PKP4: variants seen among roughly 807,000 people sequenced by gnomAD.
PKP4 encodes plakophilin 4, also known as plakophilin-4.
Under a neutral mutation model 145.1 loss-of-function variants are expected in PKP4, and 90 were observed. That is an observed-to-expected ratio of 0.62 (90% CI 0.52 to 0.74). The LOEUF (loss-of-function observed/expected upper bound fraction) is 0.74. Among genes scored for constraint, PKP4 ranks in the 30% least tolerant of loss-of-function variants. The probability of loss-of-function intolerance (pLI) is 0.00; values close to 1 mark genes in which losing one functional copy is unlikely to be tolerated. For missense variants in PKP4, 1,340 were observed against 1,482.7 expected, an observed-to-expected ratio of 0.90 and a Z score of 1.58; for synonymous variants, 563 against 577.2, an observed-to-expected ratio of 0.98 and a Z score of 0.35.
At chr2:158,629,116 G>C (rs2053103071) in intron 7 of PKP4, among the ~76,000 whole-genome samples, 1 of 152,114 alleles carries the variant, frequency 6.6e-6, no homozygotes, top group Non-Finnish European at 1.5e-5. Context: ...ATGAGAAATT[G>C]GCCAGTGCCT....
chr2:158,581,194 C>A, intron 3 of PKP4, among the ~76,000 whole-genome samples: 1 of 152,154 alleles, frequency 6.6e-6, no homozygotes. Context: ...AGCTCTTAGA[C>A]CCAGGCCCCC....
At chr2:158,484,388 C>T (rs1352734789) in intron 1 of PKP4, among the ~76,000 whole-genome samples, 3 of 152,192 alleles carry the variant, frequency 2.0e-5, no homozygotes, top group Non-Finnish European at 2.9e-5. Context: ...GCTAACTCAG[C>T]GTCATTTCCA....
intron 1 of PKP4, among the ~76,000 whole-genome samples, chr2:158,458,599 C>T (rs1161367847): frequency 1.3e-5 from 2 of 152,080 alleles, no homozygotes; most frequent in Non-Finnish European, 2.9e-5. Flanking sequence ...AGCTTGCAGC[C>T]AACATATTTT....
intron 2 of PKP4, among the ~76,000 whole-genome samples, chr2:158,574,381 GA>G (rs1397228452): frequency 6.6e-6 from 1 of 152,110 alleles, no homozygotes; most frequent in African/African-American, 2.4e-5. Flanking sequence ...TTGTTTAGAG[GA>G]TAAAATATAA....
At chr2:158,617,771 T>C (rs1238685862) in intron 4 of PKP4, among the ~76,000 whole-genome samples, 1 of 152,182 alleles carries the variant, frequency 6.6e-6, no homozygotes, top group African/African-American at 2.4e-5. Flanking sequence ...TCAAAGAAAA[T>C]AGTAAAACTA....
intron 20 of PKP4, 57 bp downstream of exon 20, chr2:158,676,924 C>G: frequency 6.2e-7 from 1 of 1,608,072 alleles, no homozygotes. Context: ...TTTCCAGGCG[C>G]TTGGCCAGTG....
At position 158,624,933 on chromosome 2, in the gene PKP4, A is replaced by G; in HGVS notation, c.659A>G (p.Gln220Arg). The part of the protein sequence containing the change: ...RRVSSVPSRA[Q>R]SPSYVISTGV... The stretch of plus-strand genomic sequence containing the variant: ...GTTAGTTCAGTTCCATCTAGAGCAC[A>G]GTCTCCTTCTTATGTTATCAGCACA... The change falls in exon 7 of 22, where the codon CAG becomes CGG. Residue 220 changes from glutamine (Q) to arginine (R), a missense_variant. Coordinates refer to ENST00000389759, the MANE Select transcript of PKP4 (RefSeq NM_003628.6). 6.2e-7 allele frequency: 1 copy of G among 1,613,652 alleles called. No homozygotes were observed. The highest frequency in any genetic ancestry group is 8.5e-7 in the Non-Finnish European group (1 of 1,179,760).
intron 7 of PKP4, among the ~76,000 whole-genome samples, chr2:158,626,424 G>T (rs888635378): frequency 1.3e-5 from 2 of 152,100 alleles, no homozygotes; most frequent in Non-Finnish European, 2.9e-5. Context: ...CCTCCTAATG[G>T]ACAGTTAGGT....
chr2:158,606,668 G>T (rs1451783272), intron 4 of PKP4, among the ~76,000 whole-genome samples: 1 of 152,090 alleles, frequency 6.6e-6, no homozygotes, highest in African/African-American at 2.4e-5. Context: ...TGAGAGAAAT[G>T]GGGAACATAC....
intron 1 of PKP4, among the ~76,000 whole-genome samples, chr2:158,478,246 A>G (rs998555441): frequency 4.6e-5 from 7 of 152,012 alleles, no homozygotes; most frequent in African/African-American, 1.7e-4. Context: ...ATTCAGAAAA[A>G]TTACTTCTGA....
At chr2:158,563,244 C>T (rs2046693969) in intron 2 of PKP4, among the ~76,000 whole-genome samples, 1 of 152,018 alleles carries the variant, frequency 6.6e-6, no homozygotes, top group African/African-American at 2.4e-5. Flanking sequence ...AACTCTTACT[C>T]TATTTTATTT....
intron 4 of PKP4, among the ~76,000 whole-genome samples, chr2:158,619,917 C>T (rs888455508): frequency 6.6e-6 from 1 of 152,006 alleles, no homozygotes; most frequent in African/African-American, 2.4e-5. Flanking sequence ...TTTTCCTAAG[C>T]TCCATTCCCC....
chr2:158,530,513 T>C (rs1405486113), intron 1 of PKP4, among the ~76,000 whole-genome samples: 2 of 135,228 alleles, frequency 1.5e-5, no homozygotes, highest in African/African-American at 2.7e-5. Flanking sequence ...TCTTTTTTTT[T>C]TTTTTTTTTT....
chr2:158,582,122 T>G (rs1178946399), intron 3 of PKP4, among the ~76,000 whole-genome samples: 1 of 152,236 alleles, frequency 6.6e-6, no homozygotes, highest in East Asian at 1.9e-4. Context: ...TTTCTTCATT[T>G]GTACCAAGTA....
intron 2 of PKP4, among the ~76,000 whole-genome samples, chr2:158,560,548 A>G (rs1196626057): frequency 6.6e-6 from 1 of 152,212 alleles, no homozygotes; most frequent in Admixed American, 6.5e-5. Context: ...GCTTAGTAAA[A>G]ATGGAATCCA....
chr2:158,562,494 G>C (rs1167970873), intron 2 of PKP4, among the ~76,000 whole-genome samples: 4 of 152,170 alleles, frequency 2.6e-5, no homozygotes, highest in African/African-American at 9.7e-5. Flanking sequence ...GGGTAGAAGA[G>C]GTAACTGGGA....
chr2:158,632,602 C>T (rs13407921), intron 8 of PKP4: 16,473 of 151,976 alleles, frequency 0.11, 954 homozygotes, highest in Middle Eastern at 0.17. Context: ...TTGTGCTGCA[C>T]GGCTAGCTCA....
chr2:158,477,212 A>C (rs1692616606), intron 1 of PKP4, among the ~76,000 whole-genome samples: 1 of 152,166 alleles, frequency 6.6e-6, no homozygotes. Flanking sequence ...AAGATGTTAG[A>C]GATCACCATA....
chr2:158,644,761 G>A (rs1384297841), intron 11 of PKP4, among the ~76,000 whole-genome samples: 1 of 152,202 alleles, frequency 6.6e-6, no homozygotes, highest in Non-Finnish European at 1.5e-5. Context: ...TGAAGAGGAA[G>A]GAGGAAAATG....
Sources: gnomAD v4.1 joint callset for allele counts (sites outside exome capture counted in the v4.1 genomes callset) on GRCh38, gnomAD v4.1.1 for gene constraint, MANE v1.5 for transcripts, NCBI Gene and HGNC (gene_info 2026-07-23, HGNC 2026-07-21) for gene names.